ZC3H6: variants seen among roughly 807,000 people sequenced by gnomAD.
ZC3H6 encodes the protein zinc finger CCCH-type containing 6, also known as zinc finger CCCH domain-containing protein 6.
Under a neutral mutation model 107.7 loss-of-function variants are expected in ZC3H6, and 40 were observed. The observed-to-expected ratio is 0.37, with a 90% confidence interval of 0.29 to 0.48. The LOEUF is 0.48. Ranked by LOEUF, ZC3H6 falls within the 20% of genes least tolerant of loss-of-function variation. The pLI, the probability that ZC3H6 is intolerant of heterozygous loss-of-function variation, is 0.98. For missense variants in ZC3H6, 1,267 were observed against 1,410.4 expected (o/e 0.90, Z 1.63); for synonymous variants, 493 against 487.9 (o/e 1.01, Z -0.14).
intron 1 of ZC3H6, among the ~76,000 whole-genome samples, chr2:112,282,637 A>G (rs1472428395): frequency 6.6e-6 from 1 of 152,216 alleles, no homozygotes; most frequent in East Asian, 1.9e-4. Flanking sequence ...ATCTAAGCAT[A>G]TACATTCCCA....
At chr2:112,279,637 C>T (rs1686492631) in intron 1 of ZC3H6, among the ~76,000 whole-genome samples, 2 of 148,248 alleles carry the variant, frequency 1.3e-5, no homozygotes, top group Admixed American at 1.4e-4. Context: ...TGGTTTATGG[C>T]CCCCCATATA....
chr2:112,324,926 T>A, intron 10 of ZC3H6, 38 bp from the exon 11 acceptor site: 1 of 1,541,152 alleles, frequency 6.5e-7, no homozygotes, highest in Non-Finnish European at 8.8e-7. Flanking sequence ...AGTTTTGTGC[T>A]CACTCAATGA....
At chr2:112,330,943 TAA>T (rs202195299) in intron 11 of ZC3H6, 60 bp from the exon 12 acceptor site, 110,007 of 713,892 alleles carry the variant, frequency 0.15, 9,227 homozygotes, top group Non-Finnish European at 0.17. Context: ...TATAATATAA[TAA>T]TTTTATTATA....
chr2:112,311,125 G>C (rs1050270978), intron 4 of ZC3H6, among the ~76,000 whole-genome samples: 2 of 151,966 alleles, frequency 1.3e-5, no homozygotes, highest in Non-Finnish European at 2.9e-5. Flanking sequence ...CTACTTGTTT[G>C]TGCTCTTAAA....
At chr2:112,302,874 A>G (rs1676408057) in intron 2 of ZC3H6, among the ~76,000 whole-genome samples, 1 of 151,590 alleles carries the variant, frequency 6.6e-6, no homozygotes, top group Non-Finnish European at 1.5e-5. Flanking sequence ...TACTCTACTC[A>G]TGTTCTATGA....
At chr2:112,312,430 A>G (rs1169404098) in intron 5 of ZC3H6, among the ~76,000 whole-genome samples, 2 of 152,212 alleles carry the variant, frequency 1.3e-5, no homozygotes, top group African/African-American at 4.8e-5. Flanking sequence ...CAATAAATAT[A>G]TGTCAAATTG....
intron 1 of ZC3H6, among the ~76,000 whole-genome samples, chr2:112,284,201 G>C (rs962131315): frequency 2.6e-5 from 4 of 152,228 alleles, no homozygotes; most frequent in African/African-American, 9.6e-5. Context: ...AGACCCATAA[G>C]GGAGGCTGTG....
intron 7 of ZC3H6, among the ~76,000 whole-genome samples, chr2:112,321,064 T>G (rs1676792026): frequency 6.6e-6 from 1 of 152,084 alleles, no homozygotes; most frequent in Admixed American, 6.5e-5. Context: ...TATCAGTGTT[T>G]ACAATAATAA....
chr2:112,305,621 T>C (rs2104709147), intron 3 of ZC3H6, among the ~76,000 whole-genome samples: 1 of 152,334 alleles, frequency 6.6e-6, no homozygotes, highest in Non-Finnish European at 1.5e-5. Context: ...TTCTTCACTT[T>C]TTTTGTAGAT....
In ZC3H6 at chr2:112,299,962, CA is replaced by C; in HGVS notation, c.148del (p.Arg50GlufsTer72). 6.7e-7 allele frequency: 1 copy of C among 1,486,648 alleles called. No homozygotes were observed. The highest frequency in any genetic ancestry group is 8.9e-7 in the Non-Finnish European group (1 of 1,118,528). 92.1% of individuals were successfully genotyped at this position (1,486,648 alleles called of 1,614,324 possible). On this transcript the variant is annotated frameshift_variant, in exon 2 of 12. Coordinates refer to ENST00000409871, the MANE Select transcript of ZC3H6 (RefSeq NM_198581.3). LOFTEE classifies it high-confidence loss of function. ...KQKSEKAYRK[S>X]RKKHKKEREK... ...AAAAGTGAGAAAGCCTACAGAAAATCAAGAAAAAAACATAAGAAAGAGAGAG... is the reference window on the plus strand; with the variant it reads ...AAAAGTGAGAAAGCCTACAGAAAATCAGAAAAAAACATAAGAAAGAGAGAG...
intron 1 of ZC3H6, among the ~76,000 whole-genome samples, chr2:112,276,287 C>G (rs1411649249): frequency 6.7e-6 from 1 of 149,768 alleles, no homozygotes; most frequent in Non-Finnish European, 1.5e-5. Context: ...AGCCCCCCGC[C>G]CCCCGGGCGG....
In ZC3H6 at chr2:112,309,921, A is replaced by G. The variant is rs1676562844; in HGVS notation, c.373A>G (p.Lys125Glu). ...HISGSYITSKKGQHNKKFKSK... is the reference protein window; with the variant it reads ...HISGSYITSKEGQHNKKFKSK... Reference sequence around the variant, plus strand: ...ATCAGGAAGCTACATAACATCAAAGAAGGGTCAACATAACAAAAAATTTAA... The same window carrying G: ...ATCAGGAAGCTACATAACATCAAAGGAGGGTCAACATAACAAAAAATTTAA... The change falls in exon 4 of 12, where the codon AAG (lysine) becomes GAG (glutamate). Residue 125 changes from lysine (K) to glutamate (E), a missense_variant. Around this residue, in one of 3 missense-constraint regions of ZC3H6, gnomAD observed 337 missense variants for 361.2 expected, o/e 0.93. Coordinates refer to ENST00000409871, the MANE Select transcript of ZC3H6 (RefSeq NM_198581.3). 1.3e-6 allele frequency: 2 copies of G among 1,593,828 alleles called. No individual in the cohort carries two copies. The highest frequency in any genetic ancestry group is 2.7e-5 in the African/African-American group (2 of 74,672).
At chr2:112,288,426 T>C (rs1299032437) in intron 1 of ZC3H6, among the ~76,000 whole-genome samples, 1 of 152,192 alleles carries the variant, frequency 6.6e-6, no homozygotes, top group African/African-American at 2.4e-5. Flanking sequence ...GGCTATCTAC[T>C]AGGTGGTACA....
Position 112,331,421 on chromosome 2 carries a change from A to G in ZC3H6, c.2503A>G (p.Lys835Glu). ...DEDTERELRE[K>E]AFLIPLDASP... Reference sequence around the variant, plus strand: ...AGATACAGAAAGAGAACTGAGAGAAAAAGCTTTCTTAATACCTTTGGATGC... The same window carrying G: ...AGATACAGAAAGAGAACTGAGAGAAGAAGCTTTCTTAATACCTTTGGATGC... Residue 835 changes from lysine (K) to glutamate (E), a missense_variant, in exon 12 of 12, where the codon AAA becomes GAA. By Grantham distance (56) the Lys-to-Glu change is moderately conservative (BLOSUM62 1). Around this residue, in one of 3 missense-constraint regions of ZC3H6, gnomAD observed 925 missense variants for 1,025.7 expected, o/e 0.90. Transcript: ENST00000409871. 1 of 1,613,688 alleles carries G rather than the reference A, an allele frequency of 6.2e-7. No homozygotes were observed. The highest frequency in any genetic ancestry group is 8.5e-7 in the Non-Finnish European group (1 of 1,179,812).
intron 1 of ZC3H6, among the ~76,000 whole-genome samples, chr2:112,286,931 C>G (rs1311782005): frequency 1.9e-4 from 29 of 152,042 alleles, no homozygotes; most frequent in Non-Finnish European, 2.1e-4. Flanking sequence ...CTATGCCCCC[C>G]ACTTGCAGTA....
Position 112,335,851 on chromosome 2 carries a change from C to T in ZC3H6, c.*3363C>T, listed in dbSNP as rs1677129311. ...GTATCAGGAAGACAGGACTTCCCTGCCTTAGAGCTATATAGACTTGGGCCT... is the reference window on the plus strand; with the variant it reads ...GTATCAGGAAGACAGGACTTCCCTGTCTTAGAGCTATATAGACTTGGGCCT... On this transcript the variant is annotated 3_prime_UTR_variant, in exon 12 of 12. Coordinates refer to ENST00000409871, the MANE Select transcript of ZC3H6 (RefSeq NM_198581.3). 1 of 152,074 alleles carries T rather than the reference C, an allele frequency of 6.6e-6. No individual in the cohort carries two copies. The highest frequency in any genetic ancestry group is 2.4e-5 in the African/African-American group (1 of 41,412). 9.4% of individuals were successfully genotyped at this position (152,074 alleles called of 1,614,324 possible). A position where few individuals can be genotyped will look rare whatever the true frequency, so the allele number is the denominator to read the frequency against.
Position 112,282,900 on chromosome 2 carries a change from T to C in ZC3H6, c.32+6874T>C, listed in dbSNP as rs72943935. On this transcript the variant is annotated intron_variant, in intron 1 of 11. Coordinates refer to ENST00000409871, the MANE Select transcript of ZC3H6 (RefSeq NM_198581.3). The stretch of plus-strand genomic sequence containing the variant: ...CAGTTACTTACATCAATCTGCCTTC[T>C]AGGATATCCTTTCTCCTGGTTGATG... Among the ~76,000 whole-genome samples, 589 of 152,314 alleles carry C rather than the reference T, an allele frequency of 3.9e-3. 5 individuals carry two copies. The highest frequency in any genetic ancestry group is 0.013 in the African/African-American group (546 of 41,586).
intron 3 of ZC3H6, among the ~76,000 whole-genome samples, chr2:112,303,730 T>G (rs1170156090): frequency 2.0e-5 from 3 of 152,202 alleles, no homozygotes; most frequent in Admixed American, 2.0e-4. Context: ...TCATTCCTTT[T>G]TAAGGCTGAA....
At position 112,299,882 on chromosome 2, in the gene ZC3H6, CGAT is replaced by C. The variant is rs1358681261; in HGVS notation, c.68_70del (p.Asp23del). Reference sequence around the variant, plus strand: ...GCGAATTAGAAGATGGTGAAATAGACGATGCAGGATTTGAAGAAATACAAGAAA... The same window carrying C: ...GCGAATTAGAAGATGGTGAAATAGACGCAGGATTTGAAGAAATACAAGAAA... On this transcript the variant is annotated inframe_deletion, in exon 2 of 12. Coordinates refer to ENST00000409871, the MANE Select transcript of ZC3H6 (RefSeq NM_198581.3). 6.8e-7 allele frequency: 1 copy of C among 1,464,174 alleles called. No homozygotes were observed. Among genetic ancestry groups the C allele is most frequent in the Admixed American group, 2.7e-5 (1 of 36,892 alleles). The allele number at this position is 1,464,174 out of a possible 1,614,324, so 90.7% of individuals were successfully genotyped here.
Sources: allele counts gnomAD v4.1 joint callset (sites outside exome capture counted in the v4.1 genomes callset), GRCh38; gene constraint gnomAD v4.1.1; regional missense constraint gnomAD v4.1.1; transcripts MANE v1.5; gene names NCBI Gene and HGNC (gene_info 2026-07-23, HGNC 2026-07-21).